Variants in GALNT3 observed in about 807,000 individuals in gnomAD.
GALNT3 encodes the protein polypeptide N-acetylgalactosaminyltransferase 3.
Under a neutral mutation model 69.8 loss-of-function variants are expected in GALNT3, and 51 were observed. The ratio of observed to expected loss-of-function variants is 0.73; its 90% CI spans 0.58 to 0.92. The LOEUF (loss-of-function observed/expected upper bound fraction) is 0.92, where lower values mean the gene tolerates loss of function less well. Ranked by LOEUF, GALNT3 falls within the 40% of genes least tolerant of loss-of-function variation. The probability of loss-of-function intolerance (pLI) is 0.00; values close to 1 mark genes in which losing one functional copy is unlikely to be tolerated. For synonymous variants in GALNT3, 265 were observed against 248.5 expected (o/e 1.07, Z -0.63); for missense variants, 711 against 760.0 (o/e 0.94, Z 0.76).
rs372741283 is a variant in GALNT3, at chr2:165,769,437, T to TAATAATAATAATAATA, written c.515+748_515+749insTATTATTATTATTATT. Among the ~76,000 whole-genome samples, 4 of 118,006 alleles carry TAATAATAATAATAATA rather than the reference T, an allele frequency of 3.4e-5. No homozygotes were observed. In the East Asian group the frequency reaches 1.1e-3, roughly 31 times the overall value. The allele number at this position is 118,006 out of a possible 152,430, so 77.4% of individuals were successfully genotyped here. Reference sequence around the variant, plus strand: ...ATAATAATAATAATAATAATAATAATAATAAATAAATAAATAAATAATCTG... The same window carrying TAATAATAATAATAATA: ...ATAATAATAATAATAATAATAATAATAATAATAATAATAATAAATAAATAAATAAATAAATAATCTG... On this transcript the variant is annotated intron_variant, in intron 2 of 10. Coordinates refer to ENST00000392701, the MANE Select transcript of GALNT3 (RefSeq NM_004482.4).
chr2:165,761,833 A>G (rs1187976158), intron 4 of GALNT3, 72 bp downstream of exon 4: 4 of 1,521,302 alleles, frequency 2.6e-6, no homozygotes, highest in South Asian at 1.1e-5. Context: ...AAAAGAAAAG[A>G]CTTCCTTACC....
intron 1 of GALNT3, among the ~76,000 whole-genome samples, chr2:165,772,000 C>G (rs1688761370): frequency 6.6e-6 from 1 of 152,052 alleles, no homozygotes; most frequent in African/African-American, 2.4e-5. Flanking sequence ...AAAAGATAAC[C>G]CCAATTCTGA....
intron 2 of GALNT3, among the ~76,000 whole-genome samples, chr2:165,769,263 G>C (rs917528213): frequency 1.3e-4 from 18 of 143,984 alleles, no homozygotes; most frequent in African/African-American, 4.6e-4. Context: ...AAAATTAGCC[G>C]GACGTGGTGC....
At position 165,770,822 on chromosome 2, in the gene GALNT3, T is replaced by C. The variant is rs1289101067; in HGVS notation, c.-108-14A>G. ...TAATGGTAGTACCTATAAACAGAAA[T>C]GATCGATGGTATTAGTAGCTATTCA... On this transcript the variant is annotated splice_polypyrimidine_tract_variant and intron_variant, in intron 1 of 10. Coordinates refer to ENST00000392701, the MANE Select transcript of GALNT3 (RefSeq NM_004482.4). 1 of 1,075,876 alleles carries C rather than the reference T, an allele frequency of 9.3e-7. No individual in the cohort carries two copies. The highest frequency in any genetic ancestry group is 1.3e-6 in the Non-Finnish European group (1 of 749,306). 66.6% of individuals were successfully genotyped at this position (1,075,876 alleles called of 1,614,324 possible). A position where few individuals can be genotyped will look rare whatever the true frequency, so the allele number is the denominator to read the frequency against.
At chr2:165,766,991 C>T (rs369575309) in intron 2 of GALNT3, among the ~76,000 whole-genome samples, 2 of 152,238 alleles carry the variant, frequency 1.3e-5, no homozygotes, top group African/African-American at 4.8e-5. Context: ...TTCATGATTT[C>T]AAAGCATGAT....
chr2:165,748,574 T>C lies in GALNT3; in HGVS notation c.*207A>G. The C allele has an allele frequency of 1.8e-6, 1 of 561,066 alleles. No homozygotes were observed. Among genetic ancestry groups the C allele is most frequent in the South Asian group, 2.1e-5 (1 of 48,624 alleles). 34.8% of individuals were successfully genotyped at this position (561,066 alleles called of 1,614,324 possible). On this transcript the variant is annotated 3_prime_UTR_variant, in exon 11 of 11. Transcript: ENST00000392701. ...CCTACATCTGGACATTTTGAAATAG[T>C]CTTTGGTATTACTAGTTATTGTGCT...
In GALNT3 at chr2:165,757,277, A is replaced by C. The variant is rs772378720; in HGVS notation, c.1192-30T>G. 5.6e-6 allele frequency: 9 copies of C among 1,602,428 alleles called. No individual in the cohort carries two copies. In the African/African-American group the frequency reaches 1.1e-4, roughly 19 times the overall value. On this transcript the variant is annotated intron_variant, in intron 6 of 10. Transcript: ENST00000392701. Reference sequence around the variant, plus strand: ...TAATTAATGATATTTGTTTAAATTTACAGTATTTTAGAAAAATCAAAGTGT... The same window carrying C: ...TAATTAATGATATTTGTTTAAATTTCCAGTATTTTAGAAAAATCAAAGTGT...
chr2:165,761,705 A>G, intron 4 of GALNT3, 200 bp downstream of exon 4: 2 of 720,034 alleles, frequency 2.8e-6, no homozygotes, highest in South Asian at 3.0e-5. Context: ...ACAAAAGGAG[A>G]TAAGAATTCT....
chr2:165,753,307 AG>A (rs1688385277), intron 9 of GALNT3, among the ~76,000 whole-genome samples: 1 of 152,132 alleles, frequency 6.6e-6, no homozygotes, highest in Admixed American at 6.5e-5. Flanking sequence ...AATGCCCAGA[AG>A]AGATACTCCA....
chr2:165,781,361 G>A (rs1233888443), intron 1 of GALNT3, among the ~76,000 whole-genome samples: 3 of 152,066 alleles, frequency 2.0e-5, no homozygotes, highest in Non-Finnish European at 4.4e-5. Flanking sequence ...CAGCACTACT[G>A]AGGTAGGCGA....
chr2:165,783,519 C>A (rs1299440166), intron 1 of GALNT3, among the ~76,000 whole-genome samples: 1 of 152,166 alleles, frequency 6.6e-6, no homozygotes, highest in Non-Finnish European at 1.5e-5. Context: ...TCCTCCATCT[C>A]TCAGCTTCCA....
At chr2:165,749,480 C>T (rs748737515) in intron 10 of GALNT3, among the ~76,000 whole-genome samples, 6 of 152,014 alleles carry the variant, frequency 3.9e-5, no homozygotes, top group South Asian at 2.1e-4. Flanking sequence ...AAAAAACAAG[C>T]GACTAATATT....
Position 165,759,477 on chromosome 2 carries a change from A to G in GALNT3, c.932T>C (p.Leu311Pro). The G allele has an allele frequency of 6.2e-7, 1 of 1,614,122 alleles. No homozygotes were observed. The highest frequency in any genetic ancestry group is 8.5e-7 in the Non-Finnish European group (1 of 1,180,016). Residue 311 changes from leucine to proline, a missense_variant, in exon 5 of 11, where the codon CTG (leucine) becomes CCG (proline). Physicochemically the swap from Leu to Pro is moderately conservative, Grantham distance 98. Coordinates refer to ENST00000392701, the MANE Select transcript of GALNT3 (RefSeq NM_004482.4). ...AGGTTTGTTGAATTCAAACGTGTTC[A>G]GATCTATGGATGCAATATCTGGACT... is the stretch of plus-strand genomic sequence containing the variant. Reference protein sequence around the residue: ...VVSPDIASIDLNTFEFNKPSP... With the variant: ...VVSPDIASIDPNTFEFNKPSP...
chr2:165,780,866 G>C (rs181016066), intron 1 of GALNT3, among the ~76,000 whole-genome samples: 1 of 152,058 alleles, frequency 6.6e-6, no homozygotes, highest in Non-Finnish European at 1.5e-5. Context: ...ATATATTGCT[G>C]TTGTACATCG....
At chr2:165,757,383 C>T in intron 6 of GALNT3, 136 bp from the exon 7 acceptor site, 1 of 824,946 alleles carries the variant, frequency 1.2e-6, no homozygotes, top group Non-Finnish European at 2.0e-6. Flanking sequence ...TCTCTGTCCC[C>T]TGCCATTTCA....
At chr2:165,769,056 A>C (rs375772151) in intron 2 of GALNT3, among the ~76,000 whole-genome samples, 1 of 148,348 alleles carries the variant, frequency 6.7e-6, no homozygotes, top group East Asian at 2.1e-4. Flanking sequence ...CGGCCTCCCA[A>C]AGTGCTGGGA....
intron 2 of GALNT3, among the ~76,000 whole-genome samples, chr2:165,769,089 C>G (rs1688700761): frequency 6.7e-6 from 1 of 149,950 alleles, no homozygotes; most frequent in South Asian, 2.2e-4. Flanking sequence ...GCCACCAAAC[C>G]TGGCCTATCT....
chr2:165,764,908 A>G lies in GALNT3; in HGVS notation c.664T>C (p.Leu222=). The change falls in exon 3 of 11, where the codon TTG becomes CTG. Residue 222 remains leucine (L), a synonymous_variant. Transcript: ENST00000392701. ...CCATCTACACTAGCATCATCCACCAAAATGATTTCCTTCAGCAGTATTGCA... is the reference window on the plus strand; with the variant it reads ...CCATCTACACTAGCATCATCCACCAGAATGATTTCCTTCAGCAGTATTGCA... The part of the protein sequence containing the change: ...SPAILLKEII[L]VDDASVDEYL... The G allele has an allele frequency of 6.2e-7, 1 of 1,614,194 alleles. No individual in the cohort carries two copies.
intron 2 of GALNT3, among the ~76,000 whole-genome samples, chr2:165,768,036 C>G (rs1403189293): frequency 2.0e-5 from 3 of 151,920 alleles, no homozygotes; most frequent in Non-Finnish European, 2.9e-5. Flanking sequence ...ACCATGCCCA[C>G]CTAATTTATG....
Sources: allele counts gnomAD v4.1 joint callset (sites outside exome capture counted in the v4.1 genomes callset), GRCh38; gene constraint gnomAD v4.1.1; transcripts MANE v1.5; gene names NCBI Gene and HGNC (gene_info 2026-07-23, HGNC 2026-07-21).